Variants in CTNNA3 observed in about 807,000 individuals in gnomAD.
CTNNA3 encodes the protein catenin alpha-3.
Under a neutral mutation model 95.7 loss-of-function variants are expected in CTNNA3, and 76 were observed. The observed-to-expected ratio is 0.79, with a 90% CI of 0.66 to 0.96. The LOEUF is 0.96. CTNNA3 is among the 40% of genes least tolerant of loss of function. The pLI, the probability that CTNNA3 is intolerant of heterozygous loss-of-function variation, is 0.00. For missense variants in CTNNA3, 1,191 were observed against 1,089.8 expected (o/e 1.09, Z -1.31); for synonymous variants, 431 against 374.4 (o/e 1.15, Z -1.74).
intron 11 of CTNNA3, among the ~76,000 whole-genome samples, chr10:66,463,886 A>ATTTT (rs112075327): frequency 0.044 from 6,333 of 143,686 alleles, 172 homozygotes; most frequent in East Asian, 0.11. Flanking sequence ...TCACTTTCCA[A>ATTTT]TTTTTTTTTT....
chr10:66,953,347 A>G (rs922801563), intron 7 of CTNNA3, among the ~76,000 whole-genome samples: 6 of 152,220 alleles, frequency 3.9e-5, no homozygotes, highest in African/African-American at 1.4e-4. Context: ...AATCTTCCCT[A>G]GTAAATGCTC....
intron 7 of CTNNA3, among the ~76,000 whole-genome samples, chr10:67,150,489 G>A (rs1861039623): frequency 6.6e-6 from 1 of 152,146 alleles, no homozygotes; most frequent in South Asian, 2.1e-4. Context: ...TAATGTAAAT[G>A]CCCTTCATTC....
At chr10:67,695,734 ACT>A (rs1217516400) in intron 1 of CTNNA3, among the ~76,000 whole-genome samples, 2 of 152,058 alleles carry the variant, frequency 1.3e-5, no homozygotes, top group Non-Finnish European at 2.9e-5. Flanking sequence ...ATAGCCAGAA[ACT>A]CTCTGAATGC....
intron 5 of CTNNA3, among the ~76,000 whole-genome samples, chr10:67,421,065 T>C (rs1398263515): frequency 6.6e-6 from 1 of 152,156 alleles, no homozygotes; most frequent in Non-Finnish European, 1.5e-5. Context: ...ATCAGACATC[T>C]CCACTTCACT....
intron 3 of CTNNA3, among the ~76,000 whole-genome samples, chr10:67,599,709 T>C (rs1298364933): frequency 6.6e-6 from 1 of 152,186 alleles, no homozygotes; most frequent in Non-Finnish European, 1.5e-5. Flanking sequence ...ACAAATTTAA[T>C]AAAATATGTG....
chr10:67,194,543 T>G (rs1401522517), intron 6 of CTNNA3, among the ~76,000 whole-genome samples: 1 of 150,984 alleles, frequency 6.6e-6, no homozygotes, highest in African/African-American at 2.4e-5. Flanking sequence ...AAGAAGTCAG[T>G]GGTTGCCAGT....
chr10:66,992,155 C>T (rs10740264), intron 7 of CTNNA3, among the ~76,000 whole-genome samples: 76,905 of 152,030 alleles, frequency 0.51, 20,313 homozygotes, highest in East Asian at 0.78. Context: ...AATGAAAGTT[C>T]CAGTTTCTCT....
intron 5 of CTNNA3, among the ~76,000 whole-genome samples, chr10:67,232,136 A>G (rs1398549173): frequency 4.4e-4 from 67 of 152,234 alleles, no homozygotes; most frequent in Non-Finnish European, 2.4e-4. Flanking sequence ...GCAGGCCAAC[A>G]TTCAGATTCA....
chr10:67,654,795 C>G (rs1298431891), intron 1 of CTNNA3, among the ~76,000 whole-genome samples: 1 of 152,192 alleles, frequency 6.6e-6, no homozygotes, highest in Non-Finnish European at 1.5e-5. Context: ...TCTCTTTCCT[C>G]CATCCAAATG....
At chr10:67,587,421 A>G (rs1036641734) in intron 3 of CTNNA3, among the ~76,000 whole-genome samples, 1 of 151,934 alleles carries the variant, frequency 6.6e-6, no homozygotes. Flanking sequence ...GAATTCTCTT[A>G]GCATCTGCTT....
At chr10:66,304,698 C>T (rs1038570621) in intron 12 of CTNNA3, among the ~76,000 whole-genome samples, 6 of 152,096 alleles carry the variant, frequency 3.9e-5, no homozygotes, top group African/African-American at 1.4e-4. Context: ...TCCGCCCACA[C>T]CACTCACATA....
intron 7 of CTNNA3, among the ~76,000 whole-genome samples, chr10:67,056,624 G>A (rs1183243345): frequency 6.6e-6 from 1 of 151,996 alleles, no homozygotes; most frequent in Non-Finnish European, 1.5e-5. Flanking sequence ...AACAATAAGG[G>A]CATTCCAAAT....
In CTNNA3 at chr10:67,377,687, G is replaced by C. The variant is rs1056733196; in HGVS notation, c.579+144155C>G. On this transcript the variant is annotated intron_variant, in intron 5 of 17. Coordinates refer to ENST00000433211, the MANE Select transcript of CTNNA3 (RefSeq NM_013266.4). Reference sequence around the variant, plus strand: ...TATATACATTTATGGAGTACATAGTGATGTTTCAATGCCTATAATGTATGG... The same window carrying C: ...TATATACATTTATGGAGTACATAGTCATGTTTCAATGCCTATAATGTATGG... Among the ~76,000 whole-genome samples the C allele has an allele frequency of 1.3e-4, 20 of 152,070 alleles. 1 individual carries two copies. The highest frequency in any genetic ancestry group is 1.2e-3 in the Admixed American group (19 of 15,266).
chr10:67,101,353 A>C (rs1341586664), intron 7 of CTNNA3, among the ~76,000 whole-genome samples: 1 of 151,774 alleles, frequency 6.6e-6, no homozygotes, highest in Non-Finnish European at 1.5e-5. Context: ...CTAATTGGGA[A>C]GACTTACATA....
At chr10:65,968,125 C>T (rs2078018315) in intron 16 of CTNNA3, among the ~76,000 whole-genome samples, 1 of 152,166 alleles carries the variant, frequency 6.6e-6, no homozygotes, top group Non-Finnish European at 1.5e-5. Flanking sequence ...CGCAGTGGCT[C>T]ATGCCTATAA....
chr10:66,433,149 TTTGGGTATATACCCACTAATGGG>T (rs1470673076), intron 11 of CTNNA3, among the ~76,000 whole-genome samples: 1 of 152,204 alleles, frequency 6.6e-6, no homozygotes, highest in Non-Finnish European at 1.5e-5. Flanking sequence ...TTTATGATCC[TTTGGGTATATACCCACTAATGGG>T]ATTGCTGGGT....
At chr10:65,924,639 A>G (rs2077138496) in intron 17 of CTNNA3, among the ~76,000 whole-genome samples, 1 of 110,476 alleles carries the variant, frequency 9.1e-6, no homozygotes, top group Non-Finnish European at 2.1e-5. Flanking sequence ...CTTGCAGAAC[A>G]AAATTATCCA....
At chr10:66,533,786 T>C (rs1319287762) in intron 10 of CTNNA3, among the ~76,000 whole-genome samples, 1 of 152,064 alleles carries the variant, frequency 6.6e-6, no homozygotes, top group Non-Finnish European at 1.5e-5. Context: ...AATATGTCTA[T>C]ATGGTCAGGT....
At chr10:67,152,383 G>A (rs899063639) in intron 7 of CTNNA3, among the ~76,000 whole-genome samples, 5 of 152,264 alleles carry the variant, frequency 3.3e-5, no homozygotes, top group Non-Finnish European at 5.9e-5. Flanking sequence ...TTATGTGCCC[G>A]TTACACTGGG....
Sources: allele counts gnomAD v4.1 joint callset (sites outside exome capture counted in the v4.1 genomes callset), GRCh38; gene constraint gnomAD v4.1.1; transcripts MANE v1.5; gene names NCBI Gene and HGNC (gene_info 2026-07-23, HGNC 2026-07-21).